The following PCDHA12 variants were observed in gnomAD, a reference collection of about 807,000 sequenced individuals.
PCDHA12 encodes the protein protocadherin alpha-12.
PCDHA12 carries 44 observed loss-of-function variants against 60.0 expected under a neutral mutation model. The ratio of observed to expected loss-of-function variants is 0.73; its 90% CI spans 0.58 to 0.94. The LOEUF (loss-of-function observed/expected upper bound fraction) is 0.94, where lower values mean the gene tolerates loss of function less well. Ranked by LOEUF, PCDHA12 falls within the 40% of genes least tolerant of loss-of-function variation. The pLI is 0.00. For missense variants in PCDHA12, 1,276 were observed against 1,239.7 expected (o/e 1.03, Z -0.44); for synonymous variants, 569 against 553.0 (o/e 1.03, Z -0.40).
At chr5:140,881,304 C>T (rs1011967816) in intron 1 of PCDHA12, 1 of 965,928 alleles carries the variant, frequency 1.0e-6, no homozygotes, top group South Asian at 4.8e-5. Flanking sequence ...AAACTTTAAC[C>T]TCCTGGTTAA....
At chr5:140,927,564 G>T (rs868927450) in intron 1 of PCDHA12, 1 of 1,614,150 alleles carries the variant, frequency 6.2e-7, no homozygotes. Context: ...TCATTGTGGT[G>T]GACACAAATG....
intron 1 of PCDHA12, chr5:140,927,172 G>T: frequency 1.2e-6 from 2 of 1,614,152 alleles, no homozygotes; most frequent in Non-Finnish European, 1.7e-6. Flanking sequence ...AGCTGCCTGC[G>T]TCTTGACCTA....
At chr5:140,922,427 G>A (rs1407931624) in intron 1 of PCDHA12, among the ~76,000 whole-genome samples, 2 of 152,212 alleles carry the variant, frequency 1.3e-5, no homozygotes, top group Middle Eastern at 3.4e-3. Context: ...AGAGGCTGAG[G>A]GCAGAACTCT....
In PCDHA12 at chr5:140,876,829, C is replaced by T. The variant is rs782699472; in HGVS notation, c.1357C>T (p.Pro453Ser). The change falls in exon 1 of 4, where the codon CCT becomes TCT. Residue 453 changes from proline to serine, a missense_variant. Physicochemically the swap from Pro to Ser is moderately conservative, Grantham distance 74. Coordinates refer to ENST00000398631, the MANE Select transcript of PCDHA12 (RefSeq NM_018903.4). The stretch of plus-strand genomic sequence containing the variant: ...GGTGGCCGACGTGAACGACAATGCG[C>T]CTGCGTTCGCGCAGCCCGAGTACAC... Reference protein sequence around the residue: ...VEVADVNDNAPAFAQPEYTVF... With the variant: ...VEVADVNDNASAFAQPEYTVF... 2 of 1,614,196 alleles carry T rather than the reference C, an allele frequency of 1.2e-6. No individual in the cohort carries two copies. The highest frequency in any genetic ancestry group is 1.7e-6 in the Non-Finnish European group (2 of 1,180,026).
chr5:140,986,467 T>G (rs190246289), intron 3 of PCDHA12, among the ~76,000 whole-genome samples: 4 of 152,196 alleles, frequency 2.6e-5, no homozygotes, highest in Non-Finnish European at 5.9e-5. Context: ...AATGCCCTCT[T>G]GTGATCAGTT....
At chr5:140,977,836 T>C (rs1300356505) in intron 1 of PCDHA12, among the ~76,000 whole-genome samples, 1 of 152,236 alleles carries the variant, frequency 6.6e-6, no homozygotes, top group African/African-American at 2.4e-5. Flanking sequence ...TCTATTGATA[T>C]TACTATGGCT....
intron 1 of PCDHA12, among the ~76,000 whole-genome samples, chr5:140,905,476 C>A (rs904790256): frequency 6.6e-6 from 1 of 152,158 alleles, no homozygotes; most frequent in East Asian, 1.9e-4. Flanking sequence ...GTGATGCCTT[C>A]AGATTTCTTC....
chr5:140,882,270 T>C lies in PCDHA12; in HGVS notation c.2367+4431T>C, dbSNP rs782125538. ...GCTCTGAGGTTTTTGGAGTGTACCA[T>C]GCTGTCTTCCTGGCAAGGAGGCCCA... On this transcript the variant is annotated intron_variant, in intron 1 of 3. Coordinates refer to ENST00000398631, the MANE Select transcript of PCDHA12 (RefSeq NM_018903.4). 35 of 1,611,468 alleles carry C rather than the reference T, an allele frequency of 2.2e-5. 1 individual carries two copies. The South Asian group carries it at 3.9e-4, about 18-fold the overall frequency.
intron 1 of PCDHA12, among the ~76,000 whole-genome samples, chr5:140,961,952 C>T (rs2095645754): frequency 6.6e-6 from 1 of 151,264 alleles, no homozygotes; most frequent in South Asian, 2.1e-4. Flanking sequence ...GGCATGATCT[C>T]GGCTCACTGC....
chr5:140,948,709 CT>C (rs144736017), intron 1 of PCDHA12, among the ~76,000 whole-genome samples: 2,043 of 151,408 alleles, frequency 0.013, 38 homozygotes, highest in African/African-American at 0.047. Context: ...GTGTTCTATC[CT>C]CTTTTTTATC....
chr5:140,929,499 C>G, intron 1 of PCDHA12: 1 of 980,264 alleles, frequency 1.0e-6, no homozygotes, highest in South Asian at 3.1e-5. Flanking sequence ...GAAGATTGCC[C>G]TAGGCCTCAA....
intron 3 of PCDHA12, among the ~76,000 whole-genome samples, chr5:141,005,688 C>T (rs1411519222): frequency 2.8e-5 from 3 of 107,694 alleles, no homozygotes; most frequent in African/African-American, 7.9e-5. Context: ...GGCGACAGAG[C>T]GAAACTCCGT....
intron 3 of PCDHA12, among the ~76,000 whole-genome samples, chr5:140,987,991 T>C (rs1243117535): frequency 6.6e-6 from 1 of 152,232 alleles, no homozygotes; most frequent in Non-Finnish European, 1.5e-5. Context: ...ACTCCATCTC[T>C]GATCCTTCCC....
chr5:140,890,543 CTGAG>C (rs1391853747), intron 1 of PCDHA12, among the ~76,000 whole-genome samples: 1 of 152,012 alleles, frequency 6.6e-6, no homozygotes, highest in African/African-American at 2.4e-5. Context: ...TTTGAAATGA[CTGAG>C]TACTTTTTAT....
intron 3 of PCDHA12, among the ~76,000 whole-genome samples, chr5:141,002,460 C>T (rs1554258683): frequency 2.0e-5 from 3 of 152,174 alleles, no homozygotes; most frequent in African/African-American, 7.2e-5. Context: ...ATTTGTATAA[C>T]GCTTTAGCAT....
At chr5:140,970,911 T>C (rs1003828575) in intron 1 of PCDHA12, among the ~76,000 whole-genome samples, 2 of 152,194 alleles carry the variant, frequency 1.3e-5, no homozygotes, top group East Asian at 3.9e-4. Context: ...ATTTATTCAT[T>C]TATCAGAAGT....
At chr5:140,915,572 C>A (rs2077180575) in intron 1 of PCDHA12, among the ~76,000 whole-genome samples, 1 of 151,988 alleles carries the variant, frequency 6.6e-6, no homozygotes, top group Non-Finnish European at 1.5e-5. Flanking sequence ...ATCTGGATTG[C>A]CAGGCAAAAG....
intron 1 of PCDHA12, among the ~76,000 whole-genome samples, chr5:140,962,457 G>T (rs1563323233): frequency 6.6e-6 from 1 of 151,950 alleles, no homozygotes; most frequent in Non-Finnish European, 1.5e-5. Flanking sequence ...AATCTCTTAT[G>T]GCTTGAATCT....
chr5:140,982,784 C>T (rs568886944), intron 3 of PCDHA12, among the ~76,000 whole-genome samples: 9 of 151,444 alleles, frequency 5.9e-5, no homozygotes, highest in South Asian at 2.1e-4. Flanking sequence ...TGTGTGTGCA[C>T]GCATGTGTGC....
Sources: allele counts gnomAD v4.1 joint callset (sites outside exome capture counted in the v4.1 genomes callset), GRCh38; gene constraint gnomAD v4.1.1; transcripts MANE v1.5; gene names NCBI Gene and HGNC (gene_info 2026-07-23, HGNC 2026-07-21).